The following TMEM163 variants were observed in gnomAD, a reference collection of about 807,000 sequenced individuals.
TMEM163 encodes the protein transmembrane protein 163.
Under a neutral mutation model 29.3 loss-of-function variants are expected in TMEM163, and 17 were observed. The ratio of observed to expected loss-of-function variants is 0.58; its 90% CI spans 0.40 to 0.87. The LOEUF (loss-of-function observed/expected upper bound fraction) is 0.87. Ranked by LOEUF, TMEM163 falls within the 40% of genes least tolerant of loss-of-function variation. TMEM163 has a pLI of 0.00. For missense variants in TMEM163, 303 were observed against 381.5 expected (o/e 0.79, Z 1.71); for synonymous variants, 157 against 160.6 (o/e 0.98, Z 0.17).
At chr2:134,659,723 T>G (rs1044820736) in intron 2 of TMEM163, among the ~76,000 whole-genome samples, 1 of 152,188 alleles carries the variant, frequency 6.6e-6, no homozygotes, top group African/African-American at 2.4e-5. Context: ...ACAGCTCACT[T>G]GAGGCCAGGA....
intron 2 of TMEM163, among the ~76,000 whole-genome samples, chr2:134,634,636 T>C (rs1030463417): frequency 1.3e-5 from 2 of 152,000 alleles, no homozygotes; most frequent in African/African-American, 4.8e-5. Flanking sequence ...GGAGAAGAAG[T>C]GGGATGACAA....
intron 2 of TMEM163, among the ~76,000 whole-genome samples, chr2:134,633,714 C>G (rs1362416401): frequency 6.6e-6 from 1 of 152,016 alleles, no homozygotes; most frequent in Non-Finnish European, 1.5e-5. Flanking sequence ...GTAATCCCAG[C>G]ACTTTGGGAG....
intron 2 of TMEM163, among the ~76,000 whole-genome samples, chr2:134,606,539 G>A (rs957399729): frequency 6.6e-6 from 1 of 152,168 alleles, no homozygotes; most frequent in Non-Finnish European, 1.5e-5. Flanking sequence ...CCAGAGCCAT[G>A]CTCCCTGCCT....
At chr2:134,649,555 G>A (rs746908440) in intron 2 of TMEM163, among the ~76,000 whole-genome samples, 15 of 152,046 alleles carry the variant, frequency 9.9e-5, no homozygotes, top group Non-Finnish European at 1.9e-4. Flanking sequence ...TAAATAATAA[G>A]ACAGAGACAT....
intron 2 of TMEM163, among the ~76,000 whole-genome samples, chr2:134,560,506 A>G (rs547076725): frequency 6.6e-6 from 1 of 152,300 alleles, no homozygotes; most frequent in African/African-American, 2.4e-5. Context: ...GCTACCCAGA[A>G]GCCCTTCCCT....
chr2:134,660,520 A>C (rs1393584045), intron 2 of TMEM163, among the ~76,000 whole-genome samples: 1 of 152,242 alleles, frequency 6.6e-6, no homozygotes, highest in Non-Finnish European at 1.5e-5. Flanking sequence ...CTTTGAAAGG[A>C]AACTTTTTTT....
chr2:134,621,177 T>A (rs964883808), intron 2 of TMEM163, among the ~76,000 whole-genome samples: 1 of 152,174 alleles, frequency 6.6e-6, no homozygotes, highest in Non-Finnish European at 1.5e-5. Context: ...GATTTGAGCA[T>A]ATATTTCACC....
At chr2:134,485,018 A>T (rs1558918758) in intron 5 of TMEM163, among the ~76,000 whole-genome samples, 2 of 152,250 alleles carry the variant, frequency 1.3e-5, no homozygotes, top group South Asian at 4.1e-4. Flanking sequence ...ATTTTAAGAC[A>T]GTAATTTCTG....
intron 2 of TMEM163, among the ~76,000 whole-genome samples, chr2:134,688,660 A>G (rs1352882397): frequency 3.9e-5 from 6 of 152,240 alleles, no homozygotes; most frequent in Non-Finnish European, 8.8e-5. Flanking sequence ...GACACTCTAC[A>G]TATTTCCTGC....
chr2:134,637,208 T>C (rs1173212294), intron 2 of TMEM163, among the ~76,000 whole-genome samples: 1 of 152,176 alleles, frequency 6.6e-6, no homozygotes, highest in East Asian at 1.9e-4. Flanking sequence ...GGCCACTGTC[T>C]GTGTGGAGTT....
intron 2 of TMEM163, among the ~76,000 whole-genome samples, chr2:134,710,343 C>A (rs1431069834): frequency 6.6e-6 from 1 of 152,146 alleles, no homozygotes; most frequent in African/African-American, 2.4e-5. Context: ...TATCCACCCT[C>A]CTCATTTCCA....
intron 2 of TMEM163, among the ~76,000 whole-genome samples, chr2:134,574,635 G>C (rs1175998790): frequency 6.6e-6 from 1 of 152,204 alleles, no homozygotes; most frequent in Non-Finnish European, 1.5e-5. Flanking sequence ...TTTAGTACTT[G>C]TCGGGGTCTT....
intron 2 of TMEM163, among the ~76,000 whole-genome samples, chr2:134,704,821 G>A (rs1684773272): frequency 6.6e-6 from 1 of 152,172 alleles, no homozygotes; most frequent in East Asian, 1.9e-4. Context: ...TTCATTGAAG[G>A]TAAAGTCCTT....
chr2:134,540,137 T>G (rs568355190), intron 4 of TMEM163, among the ~76,000 whole-genome samples: 100 of 152,278 alleles, frequency 6.6e-4, no homozygotes, highest in African/African-American at 2.4e-3. Flanking sequence ...ACTCCAGGGA[T>G]AGAACACTCT....
chr2:134,659,292 C>G (rs1683695460), intron 2 of TMEM163, among the ~76,000 whole-genome samples: 1 of 152,114 alleles, frequency 6.6e-6, no homozygotes, highest in South Asian at 2.1e-4. Flanking sequence ...TGCAGTGGAC[C>G]CAAACATCAT....
At position 134,493,483 on chromosome 2, in the gene TMEM163, C is replaced by T. The variant is rs1294892442; in HGVS notation, c.555+9418G>A. On this transcript the variant is annotated intron_variant, in intron 5 of 7. Transcript: ENST00000281924. ...CTGTCTCTGGGGTTCAAGCAATTCT[C>T]CTACCTCAGCCTCCCAAGTAGCTGA... Among the ~76,000 whole-genome samples, 3 of 145,406 alleles carry T rather than the reference C, an allele frequency of 2.1e-5. No homozygotes were observed. The Admixed American group carries it at 2.1e-4, about 10-fold the overall frequency.
intron 2 of TMEM163, among the ~76,000 whole-genome samples, chr2:134,687,571 G>A (rs114236538): frequency 6.6e-6 from 1 of 152,340 alleles, no homozygotes; most frequent in Non-Finnish European, 1.5e-5. Context: ...CTGTGACAAA[G>A]TGAATATGGC....
At chr2:134,576,982 T>C (rs1214758806) in intron 2 of TMEM163, among the ~76,000 whole-genome samples, 1 of 152,208 alleles carries the variant, frequency 6.6e-6, no homozygotes, top group African/African-American at 2.4e-5. Context: ...CCAACTATTG[T>C]CTGCCATGTT....
chr2:134,551,471 T>C lies in TMEM163; in HGVS notation c.366+577A>G, dbSNP rs979695727. On this transcript the variant is annotated intron_variant, in intron 3 of 7. Coordinates refer to ENST00000281924, the MANE Select transcript of TMEM163 (RefSeq NM_030923.5). ...ACGCGGCGGGGGTTGAGAAGAGCTC[T>C]CTTTATGGGTCACTACACCACACCA... Among the ~76,000 whole-genome samples, 6 of 152,288 alleles carry C rather than the reference T, an allele frequency of 3.9e-5. No individual in the cohort carries two copies. In the East Asian group the frequency reaches 5.8e-4, roughly 15 times the overall value.
Sources: gnomAD v4.1 joint callset for allele counts (sites outside exome capture counted in the v4.1 genomes callset) on GRCh38, gnomAD v4.1.1 for gene constraint, MANE v1.5 for transcripts, NCBI Gene and HGNC (gene_info 2026-07-23, HGNC 2026-07-21) for gene names.